The following ANO3 variants were observed in gnomAD, a reference collection of about 807,000 sequenced individuals.
The protein encoded by ANO3 is anoctamin-3.
In ANO3, 99 loss-of-function variants were observed where a neutral mutation model predicts 144.8. The observed-to-expected ratio is 0.68, with a 90% confidence interval of 0.58 to 0.81. The LOEUF (loss-of-function observed/expected upper bound fraction) is 0.81. ANO3 is among the 30% of genes least tolerant of loss of function. The pLI is 0.00. For missense variants in ANO3, 905 were observed against 1,202.2 expected, an observed-to-expected ratio of 0.75 and a Z score of 3.66; for synonymous variants, 414 against 392.6, an observed-to-expected ratio of 1.05 and a Z score of -0.64.
chr11:26,631,482 G>A (rs74671042), intron 18 of ANO3, among the ~76,000 whole-genome samples: 11,157 of 152,036 alleles, frequency 0.073, 611 homozygotes, highest in South Asian at 0.15. Flanking sequence ...TTAAAAGTGT[G>A]TTTGTATTTA....
intron 24 of ANO3, among the ~76,000 whole-genome samples, chr11:26,652,797 T>C (rs940197396): frequency 6.6e-6 from 1 of 152,240 alleles, no homozygotes; most frequent in Non-Finnish European, 1.5e-5. Context: ...TCTTCGATAA[T>C]GTGTATGCCC....
Position 26,259,003 on chromosome 11 carries a change from G to T in ANO3, c.155-50642G>T, listed in dbSNP as rs184116734. Among the ~76,000 whole-genome samples the T allele has an allele frequency of 2.6e-4, 39 of 152,228 alleles. 1 individual carries two copies. Among genetic ancestry groups the T allele is most frequent in the Admixed American group, 4.6e-4 (7 of 15,292 alleles). ...AGTTTAGATTGGGTTAACTTCACAG[G>T]TGGACCTTGGCTGACTAAAATTAAA... is the stretch of plus-strand genomic sequence containing the variant. On this transcript the variant is annotated intron_variant, in intron 1 of 27. Transcript: ENST00000672621.
chr11:26,291,857 C>T (rs1047123449), intron 1 of ANO3, among the ~76,000 whole-genome samples: 9 of 152,122 alleles, frequency 5.9e-5, no homozygotes, highest in African/African-American at 1.9e-4. Flanking sequence ...TCCTTCATTT[C>T]AACCTTGGTG....
At chr11:26,384,294 A>G (rs541100196) in intron 1 of ANO3, among the ~76,000 whole-genome samples, 13 of 152,268 alleles carry the variant, frequency 8.5e-5, no homozygotes, top group Non-Finnish European at 1.8e-4. Context: ...TTAAATCGGC[A>G]ATAGATGCTC....
rs1352123036 is a variant in ANO3 at position 26,598,379 on chromosome 11, G to C, written c.1462G>C (p.Glu488Gln). ...ATATTTTATAGCCACAGTCTTCCTG[G>C]AGTTTTGGAAAAGGAGAAGGAGTAT... is the stretch of plus-strand genomic sequence containing the variant. Reference protein sequence around the residue: ...FMAIWATVFLEFWKRRRSILT... With the variant: ...FMAIWATVFLQFWKRRRSILT... The change falls in exon 15 of 27, where the codon GAG (glutamate) becomes CAG (glutamine). Residue 488 changes from glutamate (E) to glutamine (Q), a missense_variant. This residue lies in a region of ANO3 where 597 missense variants were observed against 865.1 expected (regional missense o/e 0.69). Transcript: ENST00000256737. 6.5e-7 allele frequency: 1 copy of C among 1,545,786 alleles called. No individual in the cohort carries two copies. Among genetic ancestry groups the C allele is most frequent in the Non-Finnish European group, 8.7e-7 (1 of 1,147,160 alleles).
intron 1 of ANO3, among the ~76,000 whole-genome samples, chr11:26,316,470 T>G (rs1208864547): frequency 6.6e-6 from 1 of 152,184 alleles, no homozygotes; most frequent in East Asian, 1.9e-4. Context: ...TAACAGAGCC[T>G]TAAAACAGAA....
At chr11:26,364,071 T>A (rs1365606393) in intron 1 of ANO3, among the ~76,000 whole-genome samples, 1 of 152,186 alleles carries the variant, frequency 6.6e-6, no homozygotes, top group Non-Finnish European at 1.5e-5. Flanking sequence ...CTGTAATTAA[T>A]ATTTGCATCA....
chr11:26,509,571 C>A (rs1274415593), intron 5 of ANO3, among the ~76,000 whole-genome samples: 1 of 152,192 alleles, frequency 6.6e-6, no homozygotes, highest in African/African-American at 2.4e-5. Context: ...CTTCAGCCCC[C>A]CAAAGTACTG....
At chr11:26,364,757 A>G (rs371859120) in intron 1 of ANO3, among the ~76,000 whole-genome samples, 2 of 152,316 alleles carry the variant, frequency 1.3e-5, no homozygotes, top group East Asian at 3.9e-4. Flanking sequence ...TGATCAAATC[A>G]TCTCCTACCA....
At chr11:26,404,231 A>T (rs949517505) in intron 1 of ANO3, among the ~76,000 whole-genome samples, 1 of 151,840 alleles carries the variant, frequency 6.6e-6, no homozygotes, top group Non-Finnish European at 1.5e-5. Flanking sequence ...TTAGAACATG[A>T]AACTACATTA....
intron 4 of ANO3, among the ~76,000 whole-genome samples, chr11:26,492,426 G>T (rs1590412904): frequency 6.6e-6 from 1 of 152,100 alleles, no homozygotes; most frequent in Non-Finnish European, 1.5e-5. Flanking sequence ...CCTTTGGTCA[G>T]CTCCATCTGT....
intron 6 of ANO3, among the ~76,000 whole-genome samples, chr11:26,521,463 A>G (rs529242168): frequency 6.6e-6 from 1 of 152,008 alleles, no homozygotes; most frequent in African/African-American, 2.4e-5. Context: ...TTTTATCTAA[A>G]TTTTCTGCTT....
upstream of ANO3, among the ~76,000 whole-genome samples, chr11:26,307,464 G>C (rs1288019870): frequency 6.6e-6 from 1 of 152,106 alleles, no homozygotes; most frequent in Non-Finnish European, 1.5e-5. Context: ...ACTTTGGGAG[G>C]CTGAGGCAGG....
intron 11 of ANO3, 102 bp from the exon 12 acceptor site, chr11:26,547,314 G>A (rs1176006784): frequency 8.4e-7 from 1 of 1,193,770 alleles, no homozygotes; most frequent in Non-Finnish European, 1.2e-6. Context: ...ACTGAGTGTA[G>A]CTTCAAGTTA....
chr11:26,285,021 A>G (rs569062119), intron 1 of ANO3, among the ~76,000 whole-genome samples: 2 of 152,304 alleles, frequency 1.3e-5, no homozygotes, highest in Admixed American at 6.5e-5. Flanking sequence ...ATTTGGAACT[A>G]TTTTGTTAAA....
chr11:26,196,452 A>G (rs890684740), intron 1 of ANO3, among the ~76,000 whole-genome samples: 3 of 152,118 alleles, frequency 2.0e-5, no homozygotes, highest in Non-Finnish European at 4.4e-5. Flanking sequence ...TTCATGCTCC[A>G]TTTTCAAGGC....
intron 1 of ANO3, among the ~76,000 whole-genome samples, chr11:26,284,706 T>C (rs1189154310): frequency 6.6e-6 from 1 of 151,956 alleles, no homozygotes; most frequent in Non-Finnish European, 1.5e-5. Flanking sequence ...CAGACCATCC[T>C]GGCTAACACG....
In ANO3 at chr11:26,488,483, A is replaced by G. The variant is rs562845811; in HGVS notation, c.433-19621A>G. 5.3e-5 allele frequency among the ~76,000 whole-genome samples: 8 copies of G among 152,262 alleles called. No individual in the cohort carries two copies. In the South Asian group the frequency reaches 1.7e-3, roughly 32 times the overall value. On this transcript the variant is annotated intron_variant, in intron 4 of 26. Transcript: ENST00000256737. ...GCCGGGGACCCTTGTGGTGAGTGTTACAGCTCTTAAAAATGGTGTGTCTGG... is the reference window on the plus strand; with the variant it reads ...GCCGGGGACCCTTGTGGTGAGTGTTGCAGCTCTTAAAAATGGTGTGTCTGG...
At chr11:26,441,369 G>T (rs912061597) in intron 1 of ANO3, among the ~76,000 whole-genome samples, 2 of 151,468 alleles carry the variant, frequency 1.3e-5, no homozygotes, top group East Asian at 3.9e-4. Context: ...CGCCCGCCTC[G>T]GCCTCCCAAA....
Sources: allele counts gnomAD v4.1 joint callset (sites outside exome capture counted in the v4.1 genomes callset), GRCh38; gene constraint gnomAD v4.1.1; regional missense constraint gnomAD v4.1.1; transcripts MANE v1.5; gene names NCBI Gene and HGNC (gene_info 2026-07-23, HGNC 2026-07-21).